PPM1H: variants seen among roughly 807,000 people sequenced by gnomAD.
PPM1H encodes protein phosphatase, Mg2+/Mn2+ dependent 1H.
A neutral mutation model predicts 54.9 loss-of-function variants in PPM1H; 27 were observed. That is an observed-to-expected ratio of 0.49 (90% confidence interval 0.36 to 0.68). PPM1H has a LOEUF of 0.68. Among genes scored for constraint, PPM1H ranks in the 30% least tolerant of loss-of-function variants. PPM1H has a pLI of 0.00. For synonymous variants in PPM1H, 305 were observed against 270.8 expected (o/e 1.13, Z -1.24); for missense variants, 596 against 667.8 (o/e 0.89, Z 1.19).
intron 8 of PPM1H, among the ~76,000 whole-genome samples, chr12:62,687,456 G>C (rs770724173): frequency 8.3e-4 from 126 of 151,990 alleles, no homozygotes; most frequent in Non-Finnish European, 1.5e-3. Flanking sequence ...TAAGAACAAG[G>C]GTCCTGCTAT....
At chr12:62,801,784 C>G in intron 3 of PPM1H, 32 bp downstream of exon 3, 1 of 1,608,626 alleles carries the variant, frequency 6.2e-7, no homozygotes, top group South Asian at 1.1e-5. Flanking sequence ...GCCAGCCTGG[C>G]CCTGCTGCCC....
At chr12:62,678,892 G>A (rs2076002599) in intron 8 of PPM1H, among the ~76,000 whole-genome samples, 1 of 151,882 alleles carries the variant, frequency 6.6e-6, no homozygotes, top group South Asian at 2.1e-4. Context: ...TCACCATGTT[G>A]GCCAGGCTGG....
At chr12:62,886,974 G>A (rs777415600) in intron 1 of PPM1H, among the ~76,000 whole-genome samples, 4 of 152,168 alleles carry the variant, frequency 2.6e-5, no homozygotes, top group Non-Finnish European at 4.4e-5. Flanking sequence ...CCTAAAAGTG[G>A]CTATCTAAGC....
At chr12:62,664,082 C>T (rs1380023638) in intron 9 of PPM1H, among the ~76,000 whole-genome samples, 1 of 24,194 alleles carries the variant, frequency 4.1e-5, no homozygotes, top group Non-Finnish European at 8.1e-5. Context: ...CTTAGGGCCT[C>T]ACTCAGAAAT....
rs114524023 is a variant in PPM1H at position 62,683,854 on chromosome 12, C to T, written c.1245+5845G>A. 8.9e-3 allele frequency among the ~76,000 whole-genome samples: 1,352 copies of T among 152,246 alleles called. 23 individuals carry two copies. Among genetic ancestry groups the T allele is most frequent in the African/African-American group, 0.031 (1,289 of 41,540 alleles). Reference sequence around the variant, plus strand: ...AGAAGAATCCTAGCTCTACGGAGGGCCTGTCACTGGCCAAGAAGGGGTGTG... The same window carrying T: ...AGAAGAATCCTAGCTCTACGGAGGGTCTGTCACTGGCCAAGAAGGGGTGTG... On this transcript the variant is annotated intron_variant, in intron 8 of 9. Transcript: ENST00000228705.
chr12:62,919,927 A>G (rs1447597298), intron 1 of PPM1H, among the ~76,000 whole-genome samples: 1 of 152,094 alleles, frequency 6.6e-6, no homozygotes. Flanking sequence ...TATGGGGCCC[A>G]TGTGATTCCC....
At position 62,785,469 on chromosome 12, in the gene PPM1H, G is replaced by T. The variant is rs11613695; in HGVS notation, c.869+2757C>A. On this transcript the variant is annotated intron_variant, in intron 4 of 9. Transcript: ENST00000228705. ...TGGGATTATAGGCGTGAACCACCAC[G>T]CCCGGCCAAAACATCATACTTTTAT... Among the ~76,000 whole-genome samples the T allele has an allele frequency of 6.5e-3, 993 of 152,306 alleles. 6 individuals carry two copies. Among genetic ancestry groups the T allele is most frequent in the Middle Eastern group, 0.01 (3 of 292 alleles).
intron 1 of PPM1H, among the ~76,000 whole-genome samples, chr12:62,888,485 G>T (rs1870669743): frequency 6.6e-6 from 1 of 152,018 alleles, no homozygotes; most frequent in South Asian, 2.1e-4. Context: ...CAAAGGAAGA[G>T]CCAGCAAAGG....
intron 4 of PPM1H, among the ~76,000 whole-genome samples, chr12:62,779,098 C>T (rs1355927670): frequency 6.6e-6 from 1 of 151,934 alleles, no homozygotes; most frequent in African/African-American, 2.4e-5. Context: ...AGTGCAGTGG[C>T]GTGATCTCTG....
At chr12:62,758,178 A>G (rs75790052) in intron 4 of PPM1H, among the ~76,000 whole-genome samples, 2 of 152,368 alleles carry the variant, frequency 1.3e-5, no homozygotes, top group Non-Finnish European at 2.9e-5. Context: ...GGAATCACTC[A>G]GTCATCCATT....
chr12:62,703,944 T>TC (rs2076158320), intron 6 of PPM1H, among the ~76,000 whole-genome samples: 1 of 148,116 alleles, frequency 6.8e-6, no homozygotes, highest in Non-Finnish European at 1.5e-5. Context: ...AGCCAGCTCT[T>TC]CCCCCCTCAC....
At chr12:62,665,884 T>C (rs1015894557) in intron 9 of PPM1H, among the ~76,000 whole-genome samples, 1 of 151,660 alleles carries the variant, frequency 6.6e-6, no homozygotes, top group Non-Finnish European at 1.5e-5. Flanking sequence ...ACCACAGGCA[T>C]GCACCACCAT....
chr12:62,658,965 T>G, intron 9 of PPM1H: 1 of 710,814 alleles, frequency 1.4e-6, no homozygotes, highest in Admixed American at 1.8e-5. Flanking sequence ...CATAGAAGGT[T>G]CAAAGGCTAG....
intron 4 of PPM1H, among the ~76,000 whole-genome samples, chr12:62,761,661 T>A (rs1397456333): frequency 6.6e-6 from 1 of 152,044 alleles, no homozygotes; most frequent in African/African-American, 2.4e-5. Flanking sequence ...AAAAAAGGGA[T>A]GGAGAAGGGT....
At chr12:62,783,866 C>T (rs2076656056) in intron 4 of PPM1H, among the ~76,000 whole-genome samples, 1 of 152,168 alleles carries the variant, frequency 6.6e-6, no homozygotes, top group African/African-American at 2.4e-5. Context: ...AATGGCTTTG[C>T]TTCCTCAGTG....
Position 62,934,547 on chromosome 12 carries a change from G to C in PPM1H, c.190C>G (p.Pro64Ala). ...VECSADHIARPILILKETRRL... is the reference protein window; with the variant it reads ...VECSADHIARAILILKETRRL... ...CGAGTCTCCTTGAGGATGAGGATGG[G>C]GCGGGCGATGTGGTCGGCGCTGCAC... Residue 64 changes from proline (P) to alanine (A), a missense_variant, in exon 1 of 10, where the codon CCC becomes GCC. Pro to Ala is a conservative substitution (Grantham distance 27). This residue lies in a region of PPM1H where 382 missense variants were observed against 387.1 expected (regional missense o/e 0.99). Coordinates refer to ENST00000228705, the MANE Select transcript of PPM1H (RefSeq NM_020700.2). This position sits in a 1 kb window ranked among gnomAD's most constrained non-coding sequence, Gnocchi z 4.2. 1 of 1,552,664 alleles carries C rather than the reference G, an allele frequency of 6.4e-7. No individual in the cohort carries two copies. Among genetic ancestry groups the C allele is most frequent in the Non-Finnish European group, 8.7e-7 (1 of 1,148,748 alleles).
chr12:62,892,805 A>G (rs1870845759), intron 1 of PPM1H, among the ~76,000 whole-genome samples: 2 of 152,200 alleles, frequency 1.3e-5, no homozygotes, highest in South Asian at 4.1e-4. Context: ...GTGGGGGCAA[A>G]TGTACATTTC....
intron 6 of PPM1H, among the ~76,000 whole-genome samples, chr12:62,701,800 T>C (rs181227467): frequency 2.6e-5 from 4 of 152,248 alleles, no homozygotes; most frequent in African/African-American, 9.6e-5. Context: ...TGACCACTCA[T>C]CTACAAGTCT....
chr12:62,784,320 C>G (rs2076658863), intron 4 of PPM1H, among the ~76,000 whole-genome samples: 2 of 152,086 alleles, frequency 1.3e-5, no homozygotes, highest in African/African-American at 4.8e-5. Flanking sequence ...ACCCATAAAG[C>G]CACAAACAGC....
Sources: allele counts gnomAD v4.1 joint callset (sites outside exome capture counted in the v4.1 genomes callset), GRCh38; gene constraint gnomAD v4.1.1; regional missense constraint gnomAD v4.1.1; non-coding constraint Gnocchi (gnomAD v3.1); transcripts MANE v1.5; gene names NCBI Gene and HGNC (gene_info 2026-07-23, HGNC 2026-07-21).